PHKA1: variants seen among roughly 807,000 people sequenced by gnomAD.
PHKA1 encodes the protein phosphorylase b kinase regulatory subunit alpha, skeletal muscle isoform.
PHKA1 carries 60 observed loss-of-function variants against 110.2 expected under a neutral mutation model. That is an observed-to-expected ratio of 0.54 (90% CI 0.44 to 0.68). The LOEUF (loss-of-function observed/expected upper bound fraction) is 0.68, where lower values mean the gene tolerates loss of function less well. Among genes scored for constraint, PHKA1 ranks in the 30% least tolerant of loss-of-function variants. The pLI is 0.00. For missense variants in PHKA1, 801 were observed against 942.5 expected (o/e 0.85, Z 1.97); for synonymous variants, 316 against 333.6 (o/e 0.95, Z 0.58).
intron 2 of PHKA1, among the ~76,000 whole-genome samples, chrX:72,711,156 C>G (rs1480545974): frequency 9.0e-6 from 1 of 110,875 alleles, no homozygotes; most frequent in Non-Finnish European, 1.9e-5. Context: ...CCACCGCGCC[C>G]GGCCTGTTAA....
chrX:72,614,043 C>T (rs1258361999), intron 21 of PHKA1, among the ~76,000 whole-genome samples: 1 of 111,742 alleles, frequency 8.9e-6, no homozygotes, highest in Non-Finnish European at 1.9e-5. Flanking sequence ...TATAAAGACA[C>T]TATTGGGCTA....
intron 17 of PHKA1, among the ~76,000 whole-genome samples, chrX:72,624,328 A>G (rs5912110): frequency 0.027 from 3,049 of 111,579 alleles, 43 homozygotes; most frequent in Middle Eastern, 0.074. Context: ...CACCTCCCTC[A>G]GTTCCTCACT....
chrX:72,705,950 C>T (rs966751928), intron 2 of PHKA1, among the ~76,000 whole-genome samples: 1 of 111,914 alleles, frequency 8.9e-6, no homozygotes, highest in African/African-American at 3.2e-5. Flanking sequence ...AAGAACATAG[C>T]ACTGAACAGT....
intron 4 of PHKA1, among the ~76,000 whole-genome samples, chrX:72,689,584 G>C (rs1164296333): frequency 5.4e-5 from 6 of 111,947 alleles, no homozygotes; most frequent in Admixed American, 4.7e-4. Context: ...TTGTGCAGAT[G>C]TATCATATTT....
chrX:72,636,748 C>G (rs2053235723), intron 14 of PHKA1, among the ~76,000 whole-genome samples: 1 of 112,320 alleles, frequency 8.9e-6, no homozygotes. Flanking sequence ...CTGTTTTACC[C>G]AAAACACGTA....
intron 3 of PHKA1, among the ~76,000 whole-genome samples, chrX:72,698,046 A>G (rs1556328137): frequency 2.7e-5 from 3 of 110,899 alleles, no homozygotes; most frequent in Non-Finnish European, 5.7e-5. Flanking sequence ...CTGCACCACC[A>G]GACCTTTCTC....
intron 14 of PHKA1, among the ~76,000 whole-genome samples, chrX:72,641,864 T>C (rs148318588): frequency 0.012 from 1,356 of 111,745 alleles, 25 homozygotes; most frequent in African/African-American, 0.041. Flanking sequence ...CTATCACGCT[T>C]TTCCTGACTT....
intron 17 of PHKA1, among the ~76,000 whole-genome samples, chrX:72,624,657 G>T (rs782045054): frequency 1.5e-4 from 17 of 111,468 alleles, no homozygotes; most frequent in Non-Finnish European, 2.6e-4. Flanking sequence ...GTGGCCTCCA[G>T]GTATTCTGTG....
At chrX:72,657,558 T>C in intron 9 of PHKA1, 30 bp downstream of exon 9, 1 of 1,144,924 alleles carries the variant, frequency 8.7e-7, no homozygotes, top group African/African-American at 1.8e-5. Context: ...CCATTCTACC[T>C]TGGATTCATT....
At chrX:72,604,336 C>T (rs1603253981) in intron 25 of PHKA1, among the ~76,000 whole-genome samples, 1 of 111,095 alleles carries the variant, frequency 9.0e-6, no homozygotes, top group Middle Eastern at 4.6e-3. Flanking sequence ...ACAATAATAC[C>T]TTCTTCTCCA....
In PHKA1 at chrX:72,582,554, G is replaced by A. The variant is rs782162537; in HGVS notation, c.3342C>T (p.Val1114=). The change falls in exon 31 of 32, where the codon GTC becomes GTT. Residue 1114 remains valine, a synonymous_variant. Coordinates refer to ENST00000373542, the MANE Select transcript of PHKA1 (RefSeq NM_002637.4). ...EIKFSVHVES[V]LNRVPQPEYR... ...ACTCTGGCTGAGGTACACGATTCAG[G>A]ACAGACTCCACATGAACAGAGAATT... 12 of 1,204,424 alleles carry A rather than the reference G, an allele frequency of 1.0e-5. No homozygotes were observed. In the South Asian group the frequency reaches 2.1e-4, roughly 21 times the overall value.
At chrX:72,683,283 C>G (rs906228014) in intron 5 of PHKA1, among the ~76,000 whole-genome samples, 2 of 111,104 alleles carry the variant, frequency 1.8e-5, no homozygotes, top group Non-Finnish European at 3.8e-5. Context: ...ATAAAAAATA[C>G]AAAAATTAGC....
chrX:72,668,904 A>G (rs1556307563), intron 6 of PHKA1, among the ~76,000 whole-genome samples: 2 of 112,667 alleles, frequency 1.8e-5, no homozygotes, highest in African/African-American at 6.4e-5. Flanking sequence ...ATGGTGGTAC[A>G]GGCATAAGAC....
At chrX:72,605,457 T>G in intron 24 of PHKA1, 57 bp from the exon 25 acceptor site, 1 of 1,179,910 alleles carries the variant, frequency 8.5e-7, no homozygotes, top group Non-Finnish European at 1.2e-6. Context: ...AATGCCTATT[T>G]TGTTGTCTTT....
intron 16 of PHKA1, among the ~76,000 whole-genome samples, chrX:72,631,935 T>C (rs1556288572): frequency 5.4e-5 from 6 of 112,036 alleles, no homozygotes; most frequent in Non-Finnish European, 1.1e-4. Context: ...TTATAAGTAG[T>C]GGTATCATTT....
chrX:72,675,589 A>C (rs2053769790), intron 6 of PHKA1, among the ~76,000 whole-genome samples: 2 of 111,097 alleles, frequency 1.8e-5, no homozygotes, highest in Non-Finnish European at 3.8e-5. Flanking sequence ...TGCTGTTTCC[A>C]GAGAAGACAA....
At chrX:72,672,801 G>C (rs1294338751) in intron 6 of PHKA1, among the ~76,000 whole-genome samples, 1 of 112,092 alleles carries the variant, frequency 8.9e-6, no homozygotes, top group East Asian at 2.8e-4. Flanking sequence ...ACAGTAATGG[G>C]ACAAATTCAC....
At chrX:72,671,623 C>T (rs1438186443) in intron 6 of PHKA1, among the ~76,000 whole-genome samples, 2 of 111,479 alleles carry the variant, frequency 1.8e-5, no homozygotes, top group South Asian at 3.8e-4. Flanking sequence ...GAGCCCGCGT[C>T]GCCAAGTCAA....
At chrX:72,613,665 C>T (rs1253487999) in intron 21 of PHKA1, among the ~76,000 whole-genome samples, 2 of 111,692 alleles carry the variant, frequency 1.8e-5, no homozygotes, top group Non-Finnish European at 3.8e-5. Flanking sequence ...TACATCTCTA[C>T]AGGATACTTT....
Sources: allele counts gnomAD v4.1 joint callset (sites outside exome capture counted in the v4.1 genomes callset), GRCh38; gene constraint gnomAD v4.1.1; transcripts MANE v1.5; gene names NCBI Gene and HGNC (gene_info 2026-07-23, HGNC 2026-07-21).